RNF123: variants seen among roughly 807,000 people sequenced by gnomAD.
The protein encoded by RNF123 is E3 ubiquitin-protein ligase RNF123.
A neutral mutation model predicts 168.5 loss-of-function variants in RNF123; 86 were observed. The ratio of observed to expected loss-of-function variants is 0.51; its 90% CI spans 0.43 to 0.61. The LOEUF (loss-of-function observed/expected upper bound fraction) is 0.61. Among genes scored for constraint, RNF123 ranks in the 20% least tolerant of loss-of-function variants. RNF123 has a pLI of 0.00. For synonymous variants in RNF123, 666 were observed against 689.1 expected, an observed-to-expected ratio of 0.97 and a Z score of 0.52; for missense variants, 1,419 against 1,729.7, an observed-to-expected ratio of 0.82 and a Z score of 3.19.
rs200597948 is a variant in RNF123, at chr3:49,720,543, A to C, written c.3533A>C (p.Asp1178Ala). 6.2e-7 allele frequency: 1 copy of C among 1,608,092 alleles called. No homozygotes were observed. The highest frequency in any genetic ancestry group is 8.5e-7 in the Non-Finnish European group (1 of 1,176,346). Residue 1178 changes from aspartate (D) to alanine (A), a missense_variant, in exon 36 of 39, where the codon GAT becomes GCT. Coordinates refer to ENST00000327697, the MANE Select transcript of RNF123 (RefSeq NM_022064.5). ...REQATSVLLA[D>A]PCFQLRSICY... The stretch of plus-strand genomic sequence containing the variant: ...CAAGCCACATCAGTGCTCCTGGCAG[A>C]TCCCTGCTTCCAGCTACGCTCAATA...
chr3:49,694,854 T>A (rs2054236936), intron 3 of RNF123, among the ~76,000 whole-genome samples: 2 of 151,250 alleles, frequency 1.3e-5, no homozygotes, highest in South Asian at 4.2e-4. Flanking sequence ...ATGGTCCTAC[T>A]GCTGCTGCTG....
intron 3 of RNF123, among the ~76,000 whole-genome samples, chr3:49,696,428 A>C (rs1212201418): frequency 6.7e-6 from 1 of 150,236 alleles, no homozygotes; most frequent in Non-Finnish European, 1.5e-5. Context: ...GGCTCACTGC[A>C]ACCTCCGCCT....
chr3:49,690,513 G>C (rs1234372135), intron 1 of RNF123, among the ~76,000 whole-genome samples: 1 of 152,252 alleles, frequency 6.6e-6, no homozygotes, highest in South Asian at 2.1e-4. Flanking sequence ...GACCAATGGA[G>C]TTTGCCATGA....
chr3:49,719,003 C>G, intron 35 of RNF123: 2 of 1,613,844 alleles, frequency 1.2e-6, no homozygotes, highest in Non-Finnish European at 1.7e-6. Flanking sequence ...GCGCGCAGGC[C>G]GTGGAAGGCA....
At position 49,716,232 on chromosome 3, in the gene RNF123, T is replaced by C; in HGVS notation, c.3415+55T>C. On this transcript the variant is annotated intron_variant, in intron 34 of 38. Transcript: ENST00000327697. Reference sequence around the variant, plus strand: ...ACACTACAGGCCTCGGTTCCTCTGCTAGGAACAGTGAGGCCTGATTCCACA... The same window carrying C: ...ACACTACAGGCCTCGGTTCCTCTGCCAGGAACAGTGAGGCCTGATTCCACA... The C allele has an allele frequency of 1.9e-6, 3 of 1,586,944 alleles. No individual in the cohort carries two copies. In the Admixed American group the frequency reaches 5.0e-5, roughly 27 times the overall value.
intron 27 of RNF123, 67 bp from the exon 28 acceptor site, chr3:49,713,446 C>A (rs973555415): frequency 1.3e-6 from 2 of 1,483,002 alleles, no homozygotes. Flanking sequence ...GTCCACCCAC[C>A]CTGCTGACAT....
At chr3:49,702,514 C>A (rs950904741) in intron 19 of RNF123, 109 bp downstream of exon 19, 24 of 1,604,414 alleles carry the variant, frequency 1.5e-5, no homozygotes, top group Non-Finnish European at 2.0e-5. Flanking sequence ...TAGCCCCAAG[C>A]TTTTCTCTGC....
chr3:49,712,489 T>A lies in RNF123; in HGVS notation c.2507T>A (p.Leu836Gln). 2 of 1,614,108 alleles carry A rather than the reference T, an allele frequency of 1.2e-6. No homozygotes were observed. Among genetic ancestry groups the A allele is most frequent in the Non-Finnish European group, 1.7e-6 (2 of 1,180,034 alleles). ...GTGTGCCTCCTGCAGGAGAAGATGC[T>A]GGACATCTACTGGCTGCTGCGCGTC... is the stretch of plus-strand genomic sequence containing the variant. ...HATVYSQEKM[L>Q]DIYWLLRVCL... Residue 836 changes from leucine (L) to glutamine (Q), a missense_variant, in exon 27 of 39, where the codon CTG (leucine) becomes CAG (glutamine). Transcript: ENST00000327697.
At chr3:49,720,392 GA>G in intron 35 of RNF123, 118 bp from the exon 36 acceptor site, 1 of 1,032,574 alleles carries the variant, frequency 9.7e-7, no homozygotes, top group Non-Finnish European at 1.3e-6. Flanking sequence ...CAGGGAGACG[GA>G]AAGGATGCAG....
At chr3:49,714,049 C>G (rs543259428) in intron 30 of RNF123, 41 bp from the exon 31 acceptor site, 4 of 1,613,358 alleles carry the variant, frequency 2.5e-6, no homozygotes, top group Non-Finnish European at 3.4e-6. Flanking sequence ...GGAGAGGGTG[C>G]GCTGTCCCAT....
chr3:49,715,668 A>G lies in RNF123; in HGVS notation c.3104A>G (p.Asn1035Ser). The change falls in exon 32 of 39, where the codon AAT becomes AGT. Residue 1035 changes from asparagine to serine, a missense_variant. Around this residue, in one of 5 missense-constraint regions of RNF123, gnomAD observed 538 missense variants for 708.8 expected, o/e 0.76. Coordinates refer to ENST00000327697, the MANE Select transcript of RNF123 (RefSeq NM_022064.5). The stretch of plus-strand genomic sequence containing the variant: ...CCCAGCTTCCTCAACAGCGTCCTCA[A>G]TCAGCTCAACTGGGCCTTCTCTGAA... The part of the protein sequence containing the change: ...VAPSFLNSVL[N>S]QLNWAFSEFI... The G allele has an allele frequency of 6.2e-7, 1 of 1,614,156 alleles. No individual in the cohort carries two copies. The highest frequency in any genetic ancestry group is 1.1e-5 in the South Asian group (1 of 91,090).
chr3:49,707,330 C>G (rs1413366640), intron 26 of RNF123, among the ~76,000 whole-genome samples: 3 of 152,194 alleles, frequency 2.0e-5, no homozygotes, highest in Non-Finnish European at 4.4e-5. Flanking sequence ...CTTGCTCATT[C>G]ATTCAATAAC....
At position 49,697,391 on chromosome 3, in the gene RNF123, C is replaced by T. The variant is rs766497960; in HGVS notation, c.276C>T (p.Ser92=). ...QGQVEGRLGP[S]TVVLDHTGGF... ...AGGTTGAAGGGCGGCTTGGCCCATC[C>T]ACTGTGGTCCTGGACCACACAGGCG... The change falls in exon 5 of 39, where the codon TCC becomes TCT. Residue 92 remains serine (S), a synonymous_variant. Coordinates refer to ENST00000327697, the MANE Select transcript of RNF123 (RefSeq NM_022064.5). The T allele has an allele frequency of 6.2e-7, 1 of 1,609,894 alleles. No homozygotes were observed. The highest frequency in any genetic ancestry group is 1.1e-5 in the South Asian group (1 of 90,594).
chr3:49,705,067 C>T lies in RNF123; in HGVS notation c.2043C>T (p.Ala681=), dbSNP rs1231360259. 1 of 1,611,792 alleles carries T rather than the reference C, an allele frequency of 6.2e-7. No homozygotes were observed. Among genetic ancestry groups the T allele is most frequent in the Admixed American group, 1.7e-5 (1 of 59,770 alleles). ...GWLSSPTLGR[A]NRFLSTAAVS... ...TCAGTTCTCCAACTTTGGGCCGAGC[C>T]AACCGCTTCCTCAGCACAGCGGCTG... is the stretch of plus-strand genomic sequence containing the variant. Residue 681 remains alanine (A), a synonymous_variant, in exon 23 of 39, where the codon GCC becomes GCT. Coordinates refer to ENST00000327697, the MANE Select transcript of RNF123 (RefSeq NM_022064.5).
chr3:49,713,783 A>T lies in RNF123; in HGVS notation c.2795A>T (p.Tyr932Phe), dbSNP rs202083771. The stretch of plus-strand genomic sequence containing the variant: ...CAGGCCCTGGCCAGCTACGTGTGCT[A>T]CCCACACTCCCTGCGGGCTGTGGAG... Reference protein sequence around the residue: ...LMQALASYVCYPHSLRAVERI... With the variant: ...LMQALASYVCFPHSLRAVERI... The change falls in exon 29 of 39, where the codon TAC (tyrosine) becomes TTC (phenylalanine). Residue 932 changes from tyrosine to phenylalanine, a missense_variant. Tyr to Phe is a conservative substitution (Grantham distance 22). Coordinates refer to ENST00000327697, the MANE Select transcript of RNF123 (RefSeq NM_022064.5). The T allele has an allele frequency of 6.2e-6, 10 of 1,611,690 alleles. No homozygotes were observed. The highest frequency in any genetic ancestry group is 1.7e-4 in the Middle Eastern group (1 of 6,056).
rs1283626541 is a variant in RNF123 at position 49,698,776 on chromosome 3, G to A, written c.592G>A (p.Val198Met). ...GCAGGCGTGGGCAGCGGGGGACATC[G>A]TGAGCTGCCTGATTGACCTGGATGA... Reference protein sequence around the residue: ...YGKAWAAGDIVSCLIDLDDGT... With the variant: ...YGKAWAAGDIMSCLIDLDDGT... Residue 198 changes from valine (V) to methionine (M), a missense_variant, in exon 9 of 39, where the codon GTG becomes ATG. Physicochemically the swap from Val to Met is conservative, Grantham distance 21. Coordinates refer to ENST00000327697, the MANE Select transcript of RNF123 (RefSeq NM_022064.5). 5 of 1,613,908 alleles carry A rather than the reference G, an allele frequency of 3.1e-6. No individual in the cohort carries two copies. The highest frequency in any genetic ancestry group is 2.2e-5 in the East Asian group (1 of 44,870).
rs188965337 is a variant in RNF123 at position 49,703,072 on chromosome 3, G to A, written c.1750+319G>A. 3.7e-4 allele frequency among the ~76,000 whole-genome samples: 56 copies of A among 152,336 alleles called. 1 individual carries two copies. Among genetic ancestry groups the A allele is most frequent in the Admixed American group, 3.3e-3 (50 of 15,304 alleles). On this transcript the variant is annotated intron_variant, in intron 20 of 38. Transcript: ENST00000327697. ...GGCTGCCTTGGGTGGGTGCTGGGGG[G>A]CCCTGTGTTTGAGTCCCCAAGGGTC...
At chr3:49,694,651 C>T (rs1285587152) in intron 3 of RNF123, among the ~76,000 whole-genome samples, 1 of 152,252 alleles carries the variant, frequency 6.6e-6, no homozygotes, top group African/African-American at 2.4e-5. Context: ...CCTCATCAGC[C>T]TTAGCTGTTC....
intron 35 of RNF123, chr3:49,719,533 C>A: frequency 7.4e-7 from 1 of 1,353,858 alleles, no homozygotes; most frequent in Non-Finnish European, 1.0e-6. Flanking sequence ...TCACCCTCTT[C>A]TGCTCTAGTG....
Sources: allele counts gnomAD v4.1 joint callset (sites outside exome capture counted in the v4.1 genomes callset), GRCh38; gene constraint gnomAD v4.1.1; regional missense constraint gnomAD v4.1.1; transcripts MANE v1.5; gene names NCBI Gene and HGNC (gene_info 2026-07-23, HGNC 2026-07-21).